The following THOC2 variants were observed in gnomAD, a reference collection of about 807,000 sequenced individuals.
The protein encoded by THOC2 is THO complex 2.
In THOC2, 10 loss-of-function variants were observed where a neutral mutation model predicts 128.4. The ratio of observed to expected loss-of-function variants is 0.08; its 90% CI spans 0.05 to 0.13. The LOEUF (loss-of-function observed/expected upper bound fraction) is 0.13. Ranked by LOEUF, THOC2 falls within the 10% of genes least tolerant of loss-of-function variation. THOC2 has a pLI of 1.00. For synonymous variants in THOC2, 393 were observed against 396.9 expected (o/e 0.99, Z 0.12); for missense variants, 535 against 1,155.7 (o/e 0.46, Z 7.79).
At position 123,613,889 on chromosome X, in the gene THOC2, C is replaced by T. The variant is rs950360743; in HGVS notation, c.4449+163G>A. On this transcript the variant is annotated intron_variant, in intron 34 of 38. Coordinates refer to ENST00000245838, the MANE Select transcript of THOC2 (RefSeq NM_001081550.2). ...GACAGAGATTACTAGGCTGAAGATCCTTATTAACGTAGAAAATGCAAACAC... is the reference window on the plus strand; with the variant it reads ...GACAGAGATTACTAGGCTGAAGATCTTTATTAACGTAGAAAATGCAAACAC... Among the ~76,000 whole-genome samples the T allele has an allele frequency of 4.5e-5, 5 of 111,025 alleles. 1 individual carries two copies. Among genetic ancestry groups the T allele is most frequent in the African/African-American group, 1.6e-4 (5 of 30,652 alleles).
rs1194680938 is a variant in THOC2, at chrX:123,696,578, T to G, written c.467+143A>C. On this transcript the variant is annotated intron_variant, in intron 6 of 38. Transcript: ENST00000245838. ...TGATGACTCAATATTAGGCTACTTT[T>G]AGAAGGCAAAAAACACAAGACATGC... The G allele has an allele frequency of 5.3e-6, 3 of 565,769 alleles. No homozygotes were observed. In the African/African-American group the frequency reaches 7.1e-5, roughly 13 times the overall value. 46.6% of individuals were successfully genotyped at this position (565,769 alleles called of 1,213,427 possible).
chrX:123,671,437 C>T (rs2049274344), intron 9 of THOC2, among the ~76,000 whole-genome samples: 1 of 112,174 alleles, frequency 8.9e-6, no homozygotes, highest in Admixed American at 9.5e-5. Flanking sequence ...GTGACCAAAA[C>T]TTAAACTCCA....
Position 123,639,088 on chromosome X carries a change from A to G in THOC2, c.1747-61T>C, listed in dbSNP as rs1428897777. On this transcript the variant is annotated intron_variant, in intron 16 of 38. Coordinates refer to ENST00000245838, the MANE Select transcript of THOC2 (RefSeq NM_001081550.2). Reference sequence around the variant, plus strand: ...TGATCAAAGGATTTCTACTGTGCCAACTAAGTAATGGCTACACTTTCTATT... The same window carrying G: ...TGATCAAAGGATTTCTACTGTGCCAGCTAAGTAATGGCTACACTTTCTATT... The G allele has an allele frequency of 1.4e-5, 7 of 502,130 alleles. No homozygotes were observed. The East Asian group carries it at 2.7e-4, about 19-fold the overall frequency. The allele number at this position is 502,130 out of a possible 1,213,427, so 41.4% of individuals were successfully genotyped here. A position where few individuals can be genotyped will look rare whatever the true frequency, so the allele number is the denominator to read the frequency against.
At chrX:123,675,603 A>T (rs1322682488) in intron 8 of THOC2, among the ~76,000 whole-genome samples, 1 of 109,229 alleles carries the variant, frequency 9.2e-6, no homozygotes, top group African/African-American at 3.3e-5. Context: ...AGATTGTGCC[A>T]CTGCACTTCA....
chrX:123,718,547 G>A (rs1163113867), intron 1 of THOC2, among the ~76,000 whole-genome samples: 4 of 111,370 alleles, frequency 3.6e-5, no homozygotes. Flanking sequence ...ATAATCTGAG[G>A]TCAGAAGTTC....
At chrX:123,650,814 C>G (rs951459229) in intron 12 of THOC2, among the ~76,000 whole-genome samples, 1 of 111,929 alleles carries the variant, frequency 8.9e-6, no homozygotes, top group Non-Finnish European at 1.9e-5. Context: ...AAAGCAAGTT[C>G]TTAGAGACCT....
At position 123,696,723 on chromosome X, in the gene THOC2, G is replaced by C. The variant is rs374192513; in HGVS notation, c.465C>G (p.Leu155=). 1.7e-6 allele frequency: 2 copies of C among 1,200,773 alleles called. No individual in the cohort carries two copies. The highest frequency in any genetic ancestry group is 2.2e-6 in the Non-Finnish European group (2 of 890,580). ...CAACATAAGATACGTGTACTTACAA[G>C]AGTTTTGTCTTGATTTTAACTGACT... The part of the protein sequence containing the change: ...NQKSVKIKTK[L]FYKQQKFNLL... The change falls in exon 6 of 39, where the codon CTC becomes CTG. Residue 155 remains leucine (L), a splice_region_variant and synonymous_variant. Coordinates refer to ENST00000245838, the MANE Select transcript of THOC2 (RefSeq NM_001081550.2).
intron 12 of THOC2, among the ~76,000 whole-genome samples, chrX:123,648,914 T>C (rs2048242857): frequency 8.9e-6 from 1 of 112,199 alleles, no homozygotes; most frequent in Admixed American, 9.5e-5. Flanking sequence ...CGTTCCTGCC[T>C]GCCAGCTCTG....
At position 123,636,224 on chromosome X, in the gene THOC2, C is replaced by T. The variant is rs377211272; in HGVS notation, c.1922-49G>A. On this transcript the variant is annotated intron_variant, in intron 18 of 38. Coordinates refer to ENST00000245838, the MANE Select transcript of THOC2 (RefSeq NM_001081550.2). ...AAAACAACTCATAAAACAAAATGCACAAGTATCATTTCAACTAAACCTCTA... is the reference window on the plus strand; with the variant it reads ...AAAACAACTCATAAAACAAAATGCATAAGTATCATTTCAACTAAACCTCTA... 1.1e-4 allele frequency: 114 copies of T among 995,839 alleles called. 1 individual carries two copies. In the African/African-American group the frequency reaches 1.3e-3, roughly 11 times the overall value. 82.1% of individuals were successfully genotyped at this position (995,839 alleles called of 1,213,427 possible). A position where few individuals can be genotyped will look rare whatever the true frequency, so the allele number is the denominator to read the frequency against.
Position 123,668,306 on chromosome X carries a change from C to T in THOC2, c.870G>A (p.Pro290=), listed in dbSNP as rs892322777. 10 of 1,171,853 alleles carry T rather than the reference C, an allele frequency of 8.5e-6. No individual in the cohort carries two copies. Among genetic ancestry groups the T allele is most frequent in the Non-Finnish European group, 1.1e-5 (10 of 875,679 alleles). The change falls in exon 10 of 39, where the codon CCG becomes CCA. Residue 290 remains proline, a synonymous_variant. Coordinates refer to ENST00000245838, the MANE Select transcript of THOC2 (RefSeq NM_001081550.2). Reference sequence around the variant, plus strand: ...GTTCATCCATAATGCAATTATCAGCCGGAAGAAGCTAAAAATGGTACATTA... The same window carrying T: ...GTTCATCCATAATGCAATTATCAGCTGGAAGAAGCTAAAAATGGTACATTA... The part of the protein sequence containing the change: ...DLDDLYVHLL[P]ADNCIMDEHK...
intron 23 of THOC2, 30 bp downstream of exon 23, chrX:123,627,663 T>G: frequency 8.4e-7 from 1 of 1,192,827 alleles, no homozygotes. Flanking sequence ...ATAAAGTTAT[T>G]GCACTTGAAC....
intron 3 of THOC2, among the ~76,000 whole-genome samples, chrX:123,705,499 T>C (rs2050889412): frequency 9.0e-6 from 1 of 111,155 alleles, no homozygotes; most frequent in East Asian, 2.8e-4. Context: ...AAATGAAATA[T>C]TAGTTGTTTA....
intron 9 of THOC2, among the ~76,000 whole-genome samples, chrX:123,671,316 A>G (rs1393469611): frequency 8.9e-6 from 1 of 111,888 alleles, no homozygotes; most frequent in Non-Finnish European, 1.9e-5. Flanking sequence ...TGTAGATAAT[A>G]AAAAGGCTTA....
intron 12 of THOC2, among the ~76,000 whole-genome samples, chrX:123,660,462 T>A (rs896176543): frequency 8.9e-6 from 1 of 111,868 alleles, no homozygotes; most frequent in African/African-American, 3.3e-5. Context: ...AAGTGTTATA[T>A]CTTCCCACAA....
intron 1 of THOC2, among the ~76,000 whole-genome samples, chrX:123,719,449 C>T (rs2051590006): frequency 9.1e-6 from 1 of 110,231 alleles, no homozygotes; most frequent in Non-Finnish European, 1.9e-5. Flanking sequence ...GCAATCCTAG[C>T]CTTTTCGGAG....
intron 13 of THOC2, 85 bp from the exon 14 acceptor site, chrX:123,644,994 T>C: frequency 2.5e-6 from 2 of 805,570 alleles, no homozygotes; most frequent in Non-Finnish European, 3.5e-6. Flanking sequence ...TTGGGAAAAT[T>C]ACCATTTCTT....
intron 12 of THOC2, among the ~76,000 whole-genome samples, chrX:123,656,145 A>G (rs775518936): frequency 4.6e-5 from 5 of 108,290 alleles, no homozygotes; most frequent in Non-Finnish European, 9.6e-5. Flanking sequence ...AAACATGGAG[A>G]AACCTCGTCT....
At chrX:123,680,086 G>A (rs1027173035) in intron 8 of THOC2, among the ~76,000 whole-genome samples, 2 of 111,331 alleles carry the variant, frequency 1.8e-5, no homozygotes, top group African/African-American at 6.5e-5. Flanking sequence ...ACCCGTAAAG[G>A]GTCTGTGCTG....
chrX:123,716,970 A>G (rs1485289073), intron 1 of THOC2, among the ~76,000 whole-genome samples: 3 of 111,316 alleles, frequency 2.7e-5, no homozygotes, highest in African/African-American at 9.8e-5. Flanking sequence ...AAGGCCATAA[A>G]TAACAAGCCC....
Sources: allele counts gnomAD v4.1 joint callset (sites outside exome capture counted in the v4.1 genomes callset), GRCh38; gene constraint gnomAD v4.1.1; transcripts MANE v1.5; gene names NCBI Gene and HGNC (gene_info 2026-07-23, HGNC 2026-07-21).